ADAMTS12: variants seen among roughly 807,000 people sequenced by gnomAD.
ADAMTS12 encodes ADAM metallopeptidase with thrombospondin type 1 motif 12, also known as A disintegrin and metalloproteinase with thrombospondin motifs 12.
Under a neutral mutation model 167.8 loss-of-function variants are expected in ADAMTS12, and 118 were observed. The ratio of observed to expected loss-of-function variants is 0.70; its 90% confidence interval spans 0.61 to 0.82. The LOEUF (loss-of-function observed/expected upper bound fraction) is 0.82. ADAMTS12 is among the 40% of genes least tolerant of loss of function. The pLI, the probability that ADAMTS12 is intolerant of heterozygous loss-of-function variation, is 0.00. For missense variants in ADAMTS12, 1,916 were observed against 1,998.8 expected (o/e 0.96, Z 0.79); for synonymous variants, 704 against 716.9 (o/e 0.98, Z 0.29).
chr5:33,886,439 C>T (rs1750640539), intron 1 of ADAMTS12, among the ~76,000 whole-genome samples: 1 of 152,218 alleles, frequency 6.6e-6, no homozygotes, highest in African/African-American at 2.4e-5. Context: ...AGTCACTATG[C>T]CACGTTATAT....
intron 2 of ADAMTS12, among the ~76,000 whole-genome samples, chr5:33,751,882 G>A (rs911219483): frequency 6.6e-6 from 1 of 152,166 alleles, no homozygotes; most frequent in Admixed American, 6.5e-5. Context: ...GATCCCAAAT[G>A]AAGACCCAGT....
At chr5:33,891,661 G>C in intron 1 of ADAMTS12, 69 bp downstream of exon 1, 1 of 1,604,156 alleles carries the variant, frequency 6.2e-7, no homozygotes. Context: ...GGAAGGGAAA[G>C]GGGAGCAACA....
chr5:33,813,017 A>C (rs974798190), intron 2 of ADAMTS12, among the ~76,000 whole-genome samples: 1 of 152,236 alleles, frequency 6.6e-6, no homozygotes, highest in African/African-American at 2.4e-5. Flanking sequence ...AAAAGAGTTT[A>C]TTTTGTATAA....
chr5:33,885,018 A>G (rs1184606893), intron 1 of ADAMTS12, among the ~76,000 whole-genome samples: 1 of 152,254 alleles, frequency 6.6e-6, no homozygotes, highest in Non-Finnish European at 1.5e-5. Context: ...TAACCTATTG[A>G]AAAACTCTGA....
intron 1 of ADAMTS12, among the ~76,000 whole-genome samples, chr5:33,885,642 C>A (rs541054425): frequency 1.3e-5 from 2 of 152,184 alleles, no homozygotes; most frequent in Admixed American, 1.3e-4. Context: ...CCCCATGATA[C>A]AAGGCAGTCT....
At chr5:33,852,095 G>T (rs1004836473) in intron 2 of ADAMTS12, among the ~76,000 whole-genome samples, 4 of 151,976 alleles carry the variant, frequency 2.6e-5, no homozygotes, top group Admixed American at 2.6e-4. Context: ...CTGCAAATGT[G>T]CTAACAACAA....
At chr5:33,882,385 T>C (rs1370020335) in intron 1 of ADAMTS12, among the ~76,000 whole-genome samples, 3 of 152,170 alleles carry the variant, frequency 2.0e-5, no homozygotes, top group Admixed American at 1.3e-4. Flanking sequence ...GCTCAAAACA[T>C]AAAAACTGCC....
chr5:33,632,396 AAAAC>A (rs70964407), intron 12 of ADAMTS12, among the ~76,000 whole-genome samples: 12 of 151,200 alleles, frequency 7.9e-5, no homozygotes, highest in African/African-American at 2.4e-4. Context: ...CCTGAATCCA[AAAAC>A]AAACAAACAA....
Position 33,871,323 on chromosome 5 carries a change from T to C in ADAMTS12, c.489+9796A>G, listed in dbSNP as rs529969406. Among the ~76,000 whole-genome samples, 87 of 152,212 alleles carry C rather than the reference T, an allele frequency of 5.7e-4. 1 individual carries two copies. The highest frequency in any genetic ancestry group is 1.0e-3 in the Non-Finnish European group (69 of 67,998). Reference sequence around the variant, plus strand: ...GCAATCTCTTCCAGAAAACAGAAGATAAGGAAACACTACCCAATTCATTTT... The same window carrying C: ...GCAATCTCTTCCAGAAAACAGAAGACAAGGAAACACTACCCAATTCATTTT... On this transcript the variant is annotated intron_variant, in intron 2 of 23. Coordinates refer to ENST00000504830, the MANE Select transcript of ADAMTS12 (RefSeq NM_030955.4).
rs537793332 is a variant in ADAMTS12 at position 33,868,065 on chromosome 5, T to A, written c.489+13054A>T. 2.9e-4 allele frequency among the ~76,000 whole-genome samples: 44 copies of A among 152,314 alleles called. 1 individual carries two copies. In the South Asian group the frequency reaches 9.1e-3, roughly 32 times the overall value. ...CCTCCTTCCTCTTTGGCTTCCACCA[T>A]GATTGTAAATTTCTTGAGGCCTCCC... On this transcript the variant is annotated intron_variant, in intron 2 of 23. Transcript: ENST00000504830.
At chr5:33,551,871 CT>C (rs1336726766) in intron 20 of ADAMTS12, among the ~76,000 whole-genome samples, 1 of 152,182 alleles carries the variant, frequency 6.6e-6, no homozygotes, top group Non-Finnish European at 1.5e-5. Flanking sequence ...CGCTCTTTTG[CT>C]TTTGTGTGCT....
At chr5:33,799,677 G>T (rs143865892) in intron 2 of ADAMTS12, among the ~76,000 whole-genome samples, 43 of 152,346 alleles carry the variant, frequency 2.8e-4, no homozygotes, top group African/African-American at 8.9e-4. Context: ...ACATTGTACT[G>T]TATGTGCTTA....
intron 13 of ADAMTS12, among the ~76,000 whole-genome samples, chr5:33,626,094 G>A (rs1443819687): frequency 6.6e-6 from 1 of 152,126 alleles, no homozygotes; most frequent in Non-Finnish European, 1.5e-5. Flanking sequence ...CACCCCAATA[G>A]GTAGTGTGTT....
intron 8 of ADAMTS12, 132 bp downstream of exon 8, chr5:33,649,422 T>G: frequency 1.7e-6 from 2 of 1,151,386 alleles, no homozygotes; most frequent in South Asian, 3.3e-5. Context: ...CCCCTTCTGA[T>G]GCCACCCTGA....
At chr5:33,594,373 G>A (rs1232839506) in intron 17 of ADAMTS12, among the ~76,000 whole-genome samples, 2 of 152,142 alleles carry the variant, frequency 1.3e-5, no homozygotes, top group African/African-American at 4.8e-5. Context: ...ATATCTGAAT[G>A]TTTCATGCAG....
At chr5:33,579,991 G>A (rs1265701299) in intron 18 of ADAMTS12, among the ~76,000 whole-genome samples, 1 of 152,078 alleles carries the variant, frequency 6.6e-6, no homozygotes, top group Non-Finnish European at 1.5e-5. Context: ...ATGTCTACAA[G>A]ATACTGTGGA....
chr5:33,749,794 T>A (rs1022505023), intron 3 of ADAMTS12, among the ~76,000 whole-genome samples: 2 of 152,188 alleles, frequency 1.3e-5, no homozygotes, highest in Non-Finnish European at 2.9e-5. Context: ...TTCTTATCCA[T>A]CCCTTCTGTT....
At chr5:33,867,847 C>T (rs11951305) in intron 2 of ADAMTS12, among the ~76,000 whole-genome samples, 7 of 152,028 alleles carry the variant, frequency 4.6e-5, no homozygotes, top group Non-Finnish European at 7.4e-5. Context: ...TGTGTCCCTG[C>T]CCAAATCTCA....
intron 7 of ADAMTS12, among the ~76,000 whole-genome samples, chr5:33,656,811 G>A (rs754465036): frequency 1.6e-4 from 25 of 152,134 alleles, no homozygotes; most frequent in Non-Finnish European, 3.2e-4. Flanking sequence ...TTAACATTTT[G>A]CCAGGTTTTA....
Sources: gnomAD v4.1 joint callset for allele counts (sites outside exome capture counted in the v4.1 genomes callset) on GRCh38, gnomAD v4.1.1 for gene constraint, MANE v1.5 for transcripts, NCBI Gene and HGNC (gene_info 2026-07-23, HGNC 2026-07-21) for gene names.